Variants in QKI observed in about 807,000 individuals in gnomAD.
QKI encodes the protein QKI, KH domain containing RNA binding, also known as KH domain-containing RNA-binding protein QKI.
QKI carries 10 observed loss-of-function variants against 39.0 expected under a neutral mutation model. That is an observed-to-expected ratio of 0.26 (90% CI 0.16 to 0.43). The LOEUF (loss-of-function observed/expected upper bound fraction) is 0.43. Among genes scored for constraint, QKI ranks in the 20% least tolerant of loss-of-function variants. The pLI is 1.00. For missense variants in QKI, 218 were observed against 428.0 expected (o/e 0.51, Z 4.33); for synonymous variants, 204 against 155.4 (o/e 1.31, Z -2.33).
intron 7 of QKI, chr6:163,568,370 T>C: frequency 1.0e-6 from 1 of 985,546 alleles, no homozygotes; most frequent in Non-Finnish European, 1.2e-6. Context: ...GTTGGACATA[T>C]TTTAGGAAGA....
At chr6:163,498,259 AT>A (rs1778532893) in intron 3 of QKI, among the ~76,000 whole-genome samples, 15 of 151,944 alleles carry the variant, frequency 9.9e-5, no homozygotes. Flanking sequence ...CATTTAACAA[AT>A]TTGCACAATT....
intron 1 of QKI, among the ~76,000 whole-genome samples, chr6:163,442,132 A>G (rs1562437440): frequency 6.6e-6 from 1 of 152,202 alleles, no homozygotes; most frequent in Non-Finnish European, 1.5e-5. Flanking sequence ...GATTGAATTC[A>G]AGAGAAGAGA....
intron 2 of QKI, among the ~76,000 whole-genome samples, chr6:163,466,381 A>G (rs1424338434): frequency 6.6e-5 from 10 of 152,208 alleles, no homozygotes; most frequent in African/African-American, 2.4e-4. Flanking sequence ...CATTTTTCAC[A>G]GAAATAGGAA....
intron 1 of QKI, among the ~76,000 whole-genome samples, chr6:163,420,911 A>G (rs1648554737): frequency 1.3e-5 from 2 of 152,128 alleles, no homozygotes; most frequent in Admixed American, 1.3e-4. Context: ...TAGCATTGGA[A>G]TATTATTACC....
intron 3 of QKI, among the ~76,000 whole-genome samples, chr6:163,522,889 C>G (rs1485851502): frequency 6.6e-6 from 1 of 151,816 alleles, no homozygotes; most frequent in Non-Finnish European, 1.5e-5. Context: ...AACACTGCAG[C>G]TATCCACGGT....
chr6:163,503,513 A>G, intron 3 of QKI, among the ~76,000 whole-genome samples: 1 of 151,974 alleles, frequency 6.6e-6, no homozygotes, highest in Admixed American at 6.6e-5. Context: ...CCCACTCTGT[A>G]GGTTGTCTGT....
At chr6:163,433,733 C>T (rs1789020040) in intron 1 of QKI, among the ~76,000 whole-genome samples, 1 of 152,034 alleles carries the variant, frequency 6.6e-6, no homozygotes, top group African/African-American at 2.4e-5. Flanking sequence ...CGCCATTGCA[C>T]TCCAGCCTGG....
intron 3 of QKI, among the ~76,000 whole-genome samples, chr6:163,521,287 G>A (rs935118816): frequency 1.3e-5 from 2 of 152,132 alleles, no homozygotes. Flanking sequence ...GAATCGCTGG[G>A]ATGTGTTGTA....
chr6:163,471,730 A>G (rs192734169), intron 2 of QKI, among the ~76,000 whole-genome samples: 166 of 152,256 alleles, frequency 1.1e-3, no homozygotes, highest in Non-Finnish European at 1.8e-3. Flanking sequence ...GGCAAGAAAG[A>G]AAAGAAAATA....
At chr6:163,489,694 T>A (rs1352980074) in intron 3 of QKI, among the ~76,000 whole-genome samples, 1 of 152,174 alleles carries the variant, frequency 6.6e-6, no homozygotes, top group African/African-American at 2.4e-5. Flanking sequence ...GATTTTTCTG[T>A]AAGCTTAACA....
At chr6:163,537,567 C>T (rs1433106289) in intron 4 of QKI, among the ~76,000 whole-genome samples, 1 of 152,202 alleles carries the variant, frequency 6.6e-6, no homozygotes, top group Admixed American at 6.5e-5. Context: ...GTTTGAATAG[C>T]AGATGCCCAG....
At chr6:163,461,102 A>G (rs1791316823) in intron 2 of QKI, among the ~76,000 whole-genome samples, 1 of 152,198 alleles carries the variant, frequency 6.6e-6, no homozygotes, top group South Asian at 2.1e-4. Context: ...CTTAATGTAT[A>G]AGTTCAACTA....
At chr6:163,506,013 G>A (rs917978378) in intron 3 of QKI, among the ~76,000 whole-genome samples, 2 of 152,096 alleles carry the variant, frequency 1.3e-5, no homozygotes, top group Admixed American at 6.6e-5. Context: ...TAGTGAGTGA[G>A]TTCTCATGAG....
At chr6:163,416,244 G>T (rs994036186) in intron 1 of QKI, 3 of 294,432 alleles carry the variant, frequency 1.0e-5, no homozygotes, top group Non-Finnish European at 2.0e-5. Context: ...ATGGAGCGCT[G>T]TGGGGAGTGA....
intron 2 of QKI, among the ~76,000 whole-genome samples, chr6:163,456,110 A>G (rs565768910): frequency 6.6e-6 from 1 of 152,218 alleles, no homozygotes; most frequent in Non-Finnish European, 1.5e-5. Flanking sequence ...TAGGGACCCC[A>G]TGTTAGTTGT....
At chr6:163,518,343 C>A (rs1779957299) in intron 3 of QKI, among the ~76,000 whole-genome samples, 1 of 152,096 alleles carries the variant, frequency 6.6e-6, no homozygotes, top group African/African-American at 2.4e-5. Flanking sequence ...CAATCAATGC[C>A]TGCCCTTTTG....
intron 1 of QKI, among the ~76,000 whole-genome samples, chr6:163,439,159 G>C (rs748064876): frequency 6.6e-5 from 10 of 152,108 alleles, no homozygotes; most frequent in Non-Finnish European, 1.3e-4. Context: ...TGGCTTACCA[G>C]TGTGTCTCCA....
chr6:163,496,662 A>G (rs760838247), intron 3 of QKI, among the ~76,000 whole-genome samples: 11 of 152,126 alleles, frequency 7.2e-5, no homozygotes, highest in Non-Finnish European at 1.5e-4. Flanking sequence ...GCTCCTCCCT[A>G]GAGTTTTCTA....
At position 163,558,404 on chromosome 6, in the gene QKI, C is replaced by CTT. The variant is rs964172716; in HGVS notation, c.547-3564_547-3563dup. Among the ~76,000 whole-genome samples, 320 of 135,602 alleles carry CTT rather than the reference C, an allele frequency of 2.4e-3. 2 individuals are homozygous for CTT. The highest frequency in any genetic ancestry group is 7.9e-3 in the Middle Eastern group (2 of 252). 89.0% of individuals were successfully genotyped at this position (135,602 alleles called of 152,430 possible). A position where few individuals can be genotyped will look rare whatever the true frequency, so the allele number is the denominator to read the frequency against. On this transcript the variant is annotated intron_variant, in intron 4 of 7. Transcript: ENST00000361752. ...TTGTCTCTTCTTTTTTTTTCTTTTT[C>CTT]TTTTTTTTTTTTTTTGAGACAGTCT... is the stretch of plus-strand genomic sequence containing the variant.
Sources: gnomAD v4.1 joint callset for allele counts (sites outside exome capture counted in the v4.1 genomes callset) on GRCh38, gnomAD v4.1.1 for gene constraint, MANE v1.5 for transcripts, NCBI Gene and HGNC (gene_info 2026-07-23, HGNC 2026-07-21) for gene names.